DSCAML1: variants seen among roughly 807,000 people sequenced by gnomAD.
DSCAML1 encodes the protein cell adhesion molecule DSCAML1.
In DSCAML1, 38 loss-of-function variants were observed where a neutral mutation model predicts 200.5. That is an observed-to-expected ratio of 0.19 (90% CI 0.15 to 0.25). The LOEUF (loss-of-function observed/expected upper bound fraction) is 0.25, where lower values mean the gene tolerates loss of function less well. DSCAML1 is among the 10% of genes least tolerant of loss of function. The pLI is 1.00. For synonymous variants in DSCAML1, 1,215 were observed against 1,165.0 expected (o/e 1.04, Z -0.87); for missense variants, 2,223 against 2,858.8 (o/e 0.78, Z 5.07).
intron 14 of DSCAML1, among the ~76,000 whole-genome samples, chr11:117,476,715 C>T (rs1419394896): frequency 1.3e-5 from 2 of 152,178 alleles, no homozygotes; most frequent in African/African-American, 4.8e-5. Context: ...ATTCGGCATT[C>T]ATGTATTATT....
chr11:117,690,089 G>GA (rs1174222037), intron 3 of DSCAML1, among the ~76,000 whole-genome samples: 1 of 152,160 alleles, frequency 6.6e-6, no homozygotes, highest in South Asian at 2.1e-4. Context: ...AGACTATACT[G>GA]AAAAAAACAA....
intron 3 of DSCAML1, among the ~76,000 whole-genome samples, chr11:117,558,614 C>G (rs1258211171): frequency 6.6e-6 from 1 of 152,104 alleles, no homozygotes. Flanking sequence ...TGTAGCAGGA[C>G]GAGTCACAGA....
chr11:117,691,223 C>T (rs535904359), intron 3 of DSCAML1, among the ~76,000 whole-genome samples: 14 of 152,168 alleles, frequency 9.2e-5, no homozygotes, highest in South Asian at 6.2e-4. Context: ...TCTCTGCACA[C>T]GGGGATCCTA....
intron 27 of DSCAML1, among the ~76,000 whole-genome samples, 180 bp from the exon 28 acceptor site, chr11:117,433,651 C>T (rs936522346): frequency 2.0e-5 from 3 of 152,326 alleles, no homozygotes; most frequent in African/African-American, 4.8e-5. Flanking sequence ...GACGCGGTTT[C>T]ACTGCTCCAA....
Position 117,472,699 on chromosome 11 carries a change from G to A in DSCAML1, c.2786-663C>T, listed in dbSNP as rs2048709769. ...CACGATTTATCCAGGGAGACTGGTA[G>A]TCTATCTCACGGCTGATGTTTAGCA... On this transcript the variant is annotated intron_variant, in intron 14 of 32. Coordinates refer to ENST00000651296, the MANE Select transcript of DSCAML1 (RefSeq NM_020693.4). Among the ~76,000 whole-genome samples the A allele has an allele frequency of 2.6e-5, 4 of 152,186 alleles. No individual in the cohort carries two copies. In the South Asian group the frequency reaches 8.3e-4, roughly 32 times the overall value.
chr11:117,546,539 T>C (rs1422155967), intron 3 of DSCAML1, among the ~76,000 whole-genome samples: 1 of 152,196 alleles, frequency 6.6e-6, no homozygotes, highest in African/African-American at 2.4e-5. Flanking sequence ...GCCCACAGAC[T>C]GGTCTTTTAA....
chr11:117,435,911 C>T, intron 26 of DSCAML1, 112 bp from the exon 27 acceptor site: 2 of 1,203,986 alleles, frequency 1.7e-6, no homozygotes, highest in South Asian at 1.9e-5. Flanking sequence ...TGGGCTCTGA[C>T]CTCCACCTCC....
At chr11:117,814,691 T>A (rs1214179116) in intron 1 of DSCAML1, among the ~76,000 whole-genome samples, 1 of 152,144 alleles carries the variant, frequency 6.6e-6, no homozygotes, top group East Asian at 1.9e-4. Context: ...GGGCCTCAGA[T>A]GTGAAGGCAA....
At chr11:117,759,843 C>T (rs562146451) in intron 3 of DSCAML1, among the ~76,000 whole-genome samples, 2 of 152,306 alleles carry the variant, frequency 1.3e-5, no homozygotes, top group African/African-American at 4.8e-5. Flanking sequence ...CAGATTACAA[C>T]AGGATCCCGA....
intron 11 of DSCAML1, among the ~76,000 whole-genome samples, chr11:117,497,995 G>A (rs2049324587): frequency 6.6e-6 from 1 of 152,250 alleles, no homozygotes; most frequent in African/African-American, 2.4e-5. Flanking sequence ...GGTGACCTGT[G>A]AGCCCGGATG....
chr11:117,694,911 C>T (rs1318706745), intron 3 of DSCAML1, among the ~76,000 whole-genome samples: 2 of 152,174 alleles, frequency 1.3e-5, no homozygotes, highest in African/African-American at 4.8e-5. Context: ...AAGATGAGGC[C>T]GGAAGTGCAC....
At chr11:117,465,742 TTGAA>T (rs57457586) in intron 16 of DSCAML1, among the ~76,000 whole-genome samples, 10,570 of 150,414 alleles carry the variant, frequency 0.07, 430 homozygotes, top group Non-Finnish European at 0.089. Context: ...TCAATACATA[TTGAA>T]TGAATGAATG....
chr11:117,707,355 A>G lies in DSCAML1; in HGVS notation c.511+69436T>C, dbSNP rs2053774596. ...CCCAAAGATAAGGAAAAAAGGACAG[A>G]GTGAATGGTCGCGAAGGTCCCTTCA... On this transcript the variant is annotated intron_variant, in intron 3 of 32. Transcript: ENST00000651296. Among the ~76,000 whole-genome samples, 5 of 152,292 alleles carry G rather than the reference A, an allele frequency of 3.3e-5. No individual in the cohort carries two copies. The South Asian group carries it at 1.0e-3, about 32-fold the overall frequency.
At chr11:117,707,234 G>A (rs762647865) in intron 3 of DSCAML1, among the ~76,000 whole-genome samples, 14 of 152,362 alleles carry the variant, frequency 9.2e-5, no homozygotes, top group Admixed American at 3.3e-4. Context: ...ACCACTGCCT[G>A]CCCTGAGAAT....
chr11:117,815,540 C>G (rs998975164), intron 1 of DSCAML1, among the ~76,000 whole-genome samples: 2 of 152,152 alleles, frequency 1.3e-5, no homozygotes, highest in African/African-American at 4.8e-5. Flanking sequence ...TCAGTGACAC[C>G]AAAGAAGCCC....
Position 117,642,865 on chromosome 11 carries a change from C to G in DSCAML1, c.512-110343G>C, listed in dbSNP as rs537415891. On this transcript the variant is annotated intron_variant, in intron 3 of 32. Transcript: ENST00000651296. This position sits in a 1 kb window ranked among gnomAD's most constrained non-coding sequence, Gnocchi z 4.1. ...CTGCCAAAGCTGTCTTGTGTTCAGG[C>G]AGCTTGGGAGATATTGCTTACCCCA... Among the ~76,000 whole-genome samples the G allele has an allele frequency of 5.3e-5, 8 of 152,316 alleles. No individual in the cohort carries two copies. Among genetic ancestry groups the G allele is most frequent in the Admixed American group, 2.0e-4 (3 of 15,304 alleles).
chr11:117,769,404 A>T (rs193152690), intron 3 of DSCAML1, among the ~76,000 whole-genome samples: 70 of 3,484 alleles, frequency 0.02, 1 homozygote, highest in Admixed American at 0.046. Flanking sequence ...TTTTTATATA[A>T]TATATATTTT....
chr11:117,638,831 G>T (rs1565843118), intron 3 of DSCAML1, among the ~76,000 whole-genome samples: 1 of 152,184 alleles, frequency 6.6e-6, no homozygotes, highest in East Asian at 1.9e-4. Flanking sequence ...AAATAATGCT[G>T]CTGTGAACAT....
intron 3 of DSCAML1, among the ~76,000 whole-genome samples, chr11:117,585,026 C>T (rs1300815512): frequency 6.6e-6 from 1 of 152,168 alleles, no homozygotes; most frequent in East Asian, 1.9e-4. Flanking sequence ...TAGTGAATGG[C>T]CTGAGTCTTT....
Sources: gnomAD v4.1 joint callset for allele counts (sites outside exome capture counted in the v4.1 genomes callset) on GRCh38, gnomAD v4.1.1 for gene constraint, Gnocchi (gnomAD v3.1) non-coding constraint, MANE v1.5 for transcripts, NCBI Gene and HGNC (gene_info 2026-07-23, HGNC 2026-07-21) for gene names.